The following PAK5 variants were observed in gnomAD, a reference collection of about 807,000 sequenced individuals.
The protein encoded by PAK5 is serine/threonine-protein kinase PAK 5.
PAK5 carries 16 observed loss-of-function variants against 65.9 expected under a neutral mutation model. That is an observed-to-expected ratio of 0.24 (90% CI 0.16 to 0.37). The LOEUF (loss-of-function observed/expected upper bound fraction) is 0.37. Ranked by LOEUF, PAK5 falls within the 10% of genes least tolerant of loss-of-function variation. PAK5 has a pLI of 1.00. For synonymous variants in PAK5, 371 were observed against 354.9 expected (o/e 1.05, Z -0.51); for missense variants, 785 against 903.9 (o/e 0.87, Z 1.69).
At chr20:9,605,379 C>A (rs776220874) in intron 3 of PAK5, among the ~76,000 whole-genome samples, 10 of 152,186 alleles carry the variant, frequency 6.6e-5, no homozygotes, top group African/African-American at 9.7e-5. Flanking sequence ...TGAAGCAGGG[C>A]ATCTTCATGA....
intron 1 of PAK5, among the ~76,000 whole-genome samples, chr20:9,727,296 C>T (rs910957873): frequency 2.0e-5 from 3 of 152,136 alleles, no homozygotes; most frequent in African/African-American, 7.2e-5. Context: ...AAAATCTTTT[C>T]ACTGATTAAC....
At chr20:9,608,995 G>A (rs6118664) in intron 3 of PAK5, among the ~76,000 whole-genome samples, 1 of 152,246 alleles carries the variant, frequency 6.6e-6, no homozygotes, top group Admixed American at 6.5e-5. Flanking sequence ...TCGTGAATTA[G>A]TGATGCCTCT....
At chr20:9,831,871 C>G (rs1978745176) in intron 1 of PAK5, among the ~76,000 whole-genome samples, 1 of 152,074 alleles carries the variant, frequency 6.6e-6, no homozygotes, top group Admixed American at 6.6e-5. Flanking sequence ...TTCCACCACC[C>G]AGAGATTGCC....
intron 6 of PAK5, among the ~76,000 whole-genome samples, chr20:9,560,721 T>A (rs567788472): frequency 8.5e-5 from 13 of 152,314 alleles, no homozygotes; most frequent in African/African-American, 3.1e-4. Context: ...TACATCAGCA[T>A]CTGCCTCATA....
intron 1 of PAK5, among the ~76,000 whole-genome samples, chr20:9,736,208 A>T (rs1467688878): frequency 6.6e-6 from 1 of 152,020 alleles, no homozygotes; most frequent in Non-Finnish European, 1.5e-5. Context: ...GCCAATAGAA[A>T]CAATTTAAAA....
At chr20:9,675,718 T>C (rs1051482475) in intron 2 of PAK5, among the ~76,000 whole-genome samples, 1 of 152,178 alleles carries the variant, frequency 6.6e-6, no homozygotes, top group Non-Finnish European at 1.5e-5. Context: ...ATTCTTAAAA[T>C]TAACATTTAT....
chr20:9,795,258 T>A (rs1445300250), intron 1 of PAK5, among the ~76,000 whole-genome samples: 1 of 152,152 alleles, frequency 6.6e-6, no homozygotes, highest in African/African-American at 2.4e-5. Context: ...GTGCTACACA[T>A]ATTTTAATAA....
chr20:9,653,167 A>G lies in PAK5; in HGVS notation c.-11-8828T>C, dbSNP rs115507905. Among the ~76,000 whole-genome samples, 1,305 of 152,336 alleles carry G rather than the reference A, an allele frequency of 8.6e-3. 16 individuals are homozygous for G. Among genetic ancestry groups the G allele is most frequent in the African/African-American group, 0.029 (1,223 of 41,578 alleles). ...CATATTTAAATTTATTCATTTCCAC[A>G]TTGGCAGAATGACAACATAATATTG... On this transcript the variant is annotated intron_variant, in intron 2 of 9. Coordinates refer to ENST00000353224, the MANE Select transcript of PAK5 (RefSeq NM_177990.4).
chr20:9,731,256 A>C (rs1327575841), intron 1 of PAK5, among the ~76,000 whole-genome samples: 1 of 152,236 alleles, frequency 6.6e-6, no homozygotes, highest in East Asian at 1.9e-4. Context: ...TATAATTTTA[A>C]ATTTTCCAGT....
chr20:9,808,475 G>T (rs557884174), intron 1 of PAK5, among the ~76,000 whole-genome samples: 1 of 152,160 alleles, frequency 6.6e-6, no homozygotes, highest in Admixed American at 6.5e-5. Flanking sequence ...TATTCATAAT[G>T]TCCAAAAAGC....
intron 1 of PAK5, among the ~76,000 whole-genome samples, chr20:9,827,070 A>G (rs1029958871): frequency 1.3e-5 from 2 of 152,170 alleles, no homozygotes; most frequent in African/African-American, 4.8e-5. Flanking sequence ...CCAACCAGAA[A>G]CAGGTAGAGG....
chr20:9,586,846 A>G (rs2046078964), intron 3 of PAK5, among the ~76,000 whole-genome samples: 1 of 152,222 alleles, frequency 6.6e-6, no homozygotes, highest in South Asian at 2.1e-4. Context: ...AATGCTATTT[A>G]GAAGAAATGA....
intron 2 of PAK5, among the ~76,000 whole-genome samples, chr20:9,646,071 G>T (rs1035965888): frequency 3.9e-5 from 6 of 152,154 alleles, no homozygotes. Context: ...CAAAATATTT[G>T]TTGATGGACT....
chr20:9,796,757 A>G (rs1272745848), intron 1 of PAK5, among the ~76,000 whole-genome samples: 1 of 152,128 alleles, frequency 6.6e-6, no homozygotes, highest in Non-Finnish European at 1.5e-5. Context: ...AAGATCAAAG[A>G]CTACAGTCAA....
chr20:9,728,086 C>A (rs572838569), intron 1 of PAK5, among the ~76,000 whole-genome samples: 115 of 152,090 alleles, frequency 7.6e-4, no homozygotes, highest in African/African-American at 2.7e-3. Context: ...ACAAGTGGGG[C>A]CCTTGGGAGA....
intron 1 of PAK5, among the ~76,000 whole-genome samples, chr20:9,768,877 A>G (rs2048802472): frequency 6.7e-6 from 1 of 150,244 alleles, no homozygotes; most frequent in South Asian, 2.1e-4. Flanking sequence ...ACAAGAAGGG[A>G]GGGAAAAAAA....
At chr20:9,796,270 C>A (rs1204866189) in intron 1 of PAK5, among the ~76,000 whole-genome samples, 1 of 151,930 alleles carries the variant, frequency 6.6e-6, no homozygotes, top group African/African-American at 2.4e-5. Context: ...ACAGAGGGAA[C>A]AACAGAAGAG....
chr20:9,612,551 A>G (rs896076394), intron 3 of PAK5, among the ~76,000 whole-genome samples: 1 of 152,100 alleles, frequency 6.6e-6, no homozygotes, highest in African/African-American at 2.4e-5. Context: ...ACATTTGTAA[A>G]CAACCAGATC....
At chr20:9,697,134 C>G (rs2047879782) in intron 2 of PAK5, among the ~76,000 whole-genome samples, 1 of 152,036 alleles carries the variant, frequency 6.6e-6, no homozygotes, top group Non-Finnish European at 1.5e-5. Context: ...TTCTTGCCAT[C>G]TAAACATTCA....
Sources: gnomAD v4.1 joint callset for allele counts (sites outside exome capture counted in the v4.1 genomes callset) on GRCh38, gnomAD v4.1.1 for gene constraint, MANE v1.5 for transcripts, NCBI Gene and HGNC (gene_info 2026-07-23, HGNC 2026-07-21) for gene names.